The following SDHB variants were observed in gnomAD, a reference collection of about 807,000 sequenced individuals.
SDHB encodes the protein succinate dehydrogenase complex iron sulfur subunit B.
In SDHB, 21 loss-of-function variants were observed where a neutral mutation model predicts 39.7. That is an observed-to-expected ratio of 0.53 (90% CI 0.37 to 0.76). The LOEUF (loss-of-function observed/expected upper bound fraction) is 0.76. Ranked by LOEUF, SDHB falls within the 30% of genes least tolerant of loss-of-function variation. SDHB has a pLI of 0.00. For missense variants in SDHB, 343 were observed against 350.9 expected (o/e 0.98, Z 0.18); for synonymous variants, 118 against 117.0 (o/e 1.01, Z -0.06).
At chr1:17,022,547 C>T (rs2101513370) in intron 7 of SDHB, 61 bp downstream of exon 7, 2 of 1,606,768 alleles carry the variant, frequency 1.2e-6, no homozygotes, top group Non-Finnish European at 1.7e-6. Context: ...TCTTTGTGAG[C>T]ACATGCTACT....
chr1:17,042,334 C>T (rs961764524), intron 2 of SDHB, among the ~76,000 whole-genome samples: 1 of 152,216 alleles, frequency 6.6e-6, no homozygotes, highest in Non-Finnish European at 1.5e-5. Flanking sequence ...TGTCTGCCCA[C>T]TCGTGGTCCT....
chr1:17,047,996 A>C (rs970208364), intron 1 of SDHB, among the ~76,000 whole-genome samples: 10 of 152,094 alleles, frequency 6.6e-5, no homozygotes, highest in Non-Finnish European at 1.3e-4. Flanking sequence ...CTCTTTACCC[A>C]GTCTCCCCAA....
intron 2 of SDHB, 26 bp from the exon 3 acceptor site, chr1:17,033,171 AT>A: frequency 6.5e-7 from 1 of 1,527,672 alleles, no homozygotes; most frequent in Non-Finnish European, 9.1e-7. Context: ...ATCCAGTGGT[AT>A]TTATGTAACG....
intron 5 of SDHB, among the ~76,000 whole-genome samples, chr1:17,026,176 G>A (rs1345274309): frequency 6.6e-6 from 1 of 152,198 alleles, no homozygotes; most frequent in Non-Finnish European, 1.5e-5. Flanking sequence ...GGGCCAGAGG[G>A]CCCGGTTCAG....
chr1:17,030,053 G>A (rs1007680706), intron 3 of SDHB, among the ~76,000 whole-genome samples: 8 of 152,080 alleles, frequency 5.3e-5, no homozygotes, highest in African/African-American at 1.4e-4. Flanking sequence ...AATATAAGTC[G>A]TGGTGGGTGC....
chr1:17,026,950 A>T (rs573037020), intron 5 of SDHB, among the ~76,000 whole-genome samples: 2 of 152,188 alleles, frequency 1.3e-5, no homozygotes, highest in East Asian at 1.9e-4. Flanking sequence ...ATTTATATAT[A>T]TTTTTACAGT....
chr1:17,049,027 A>G (rs188480312), intron 1 of SDHB, among the ~76,000 whole-genome samples: 1 of 150,614 alleles, frequency 6.6e-6, no homozygotes, highest in East Asian at 2.0e-4. Flanking sequence ...TTTTATTTTT[A>G]TAGACACATG....
At chr1:17,032,891 T>G in intron 3 of SDHB, 169 bp downstream of exon 3, 2 of 678,202 alleles carry the variant, frequency 2.9e-6, no homozygotes, top group South Asian at 1.6e-5. Flanking sequence ...ACTTGCACCA[T>G]GGTTAGAATT....
At chr1:17,043,162 T>C (rs2078090891) in intron 2 of SDHB, among the ~76,000 whole-genome samples, 1 of 152,062 alleles carries the variant, frequency 6.6e-6, no homozygotes, top group South Asian at 2.1e-4. Context: ...GGTTTCACCA[T>C]GTTGGCCAGG....
intron 4 of SDHB, 138 bp downstream of exon 4, chr1:17,028,462 C>A: frequency 1.2e-6 from 1 of 852,872 alleles, no homozygotes; most frequent in Non-Finnish European, 1.9e-6. Flanking sequence ...AGGAAACAGT[C>A]CCATCTATTT....
chr1:17,033,026 A>G (rs1414926527), intron 3 of SDHB, 34 bp downstream of exon 3: 3 of 1,547,236 alleles, frequency 1.9e-6, no homozygotes, highest in Non-Finnish European at 2.7e-6. Context: ...GAAGACCACA[A>G]GTATCTGGAG....
At chr1:17,021,823 C>T (rs1050029876) in intron 7 of SDHB, among the ~76,000 whole-genome samples, 19 of 152,104 alleles carry the variant, frequency 1.2e-4, no homozygotes, top group African/African-American at 3.6e-4. Flanking sequence ...TAATACAGCA[C>T]GAAGGTTCTT....
At chr1:17,034,078 A>G (rs1268028501) in intron 2 of SDHB, among the ~76,000 whole-genome samples, 2 of 152,176 alleles carry the variant, frequency 1.3e-5, no homozygotes, top group Admixed American at 6.5e-5. Context: ...TCCACTCACT[A>G]ATTTTCTATG....
intron 4 of SDHB, 91 bp from the exon 5 acceptor site, chr1:17,027,956 T>G: frequency 2.6e-6 from 2 of 768,060 alleles, no homozygotes; most frequent in Non-Finnish European, 4.6e-6. Flanking sequence ...TCTTGGACAC[T>G]GACTACTCGT....
At chr1:17,040,905 G>A (rs888398675) in intron 2 of SDHB, among the ~76,000 whole-genome samples, 2 of 152,176 alleles carry the variant, frequency 1.3e-5, no homozygotes, top group Non-Finnish European at 2.9e-5. Context: ...CGAGGCGGGT[G>A]AATCACTTGA....
chr1:17,038,004 T>G (rs996338288), intron 2 of SDHB, among the ~76,000 whole-genome samples: 1 of 152,204 alleles, frequency 6.6e-6, no homozygotes, highest in African/African-American at 2.4e-5. Flanking sequence ...CTGGGCGTAG[T>G]GGCAGGCGCC....
chr1:17,033,680 G>C (rs1289633704), intron 2 of SDHB, among the ~76,000 whole-genome samples: 1 of 152,238 alleles, frequency 6.6e-6, no homozygotes, highest in African/African-American at 2.4e-5. Context: ...GACCTGGAGT[G>C]CCGGCCTGGC....
At chr1:17,038,000 G>A (rs1018977216) in intron 2 of SDHB, among the ~76,000 whole-genome samples, 4 of 152,312 alleles carry the variant, frequency 2.6e-5, no homozygotes, top group South Asian at 2.1e-4. Flanking sequence ...TTAGCTGGGC[G>A]TAGTGGCAGG....
intron 7 of SDHB, 90 bp downstream of exon 7, chr1:17,022,518 T>C: frequency 3.3e-6 from 5 of 1,535,864 alleles, no homozygotes; most frequent in Non-Finnish European, 4.5e-6. Flanking sequence ...ATGACTAGGG[T>C]TGCTCTCTGC....
Sources: allele counts gnomAD v4.1 joint callset (sites outside exome capture counted in the v4.1 genomes callset), GRCh38; gene constraint gnomAD v4.1.1; transcripts MANE v1.5; gene names NCBI Gene and HGNC (gene_info 2026-07-23, HGNC 2026-07-21).